The following CCDC92B variants were observed in gnomAD, a reference collection of about 807,000 sequenced individuals.
The protein encoded by CCDC92B is coiled-coil domain containing 92B, also known as coiled-coil domain-containing 92B.
In CCDC92B, 2 loss-of-function variants were observed where a neutral mutation model predicts 5.6. The ratio of observed to expected loss-of-function variants is 0.36; its 90% CI spans 0.15 to 1.12. The LOEUF (loss-of-function observed/expected upper bound fraction) is 1.12. Among genes scored for constraint, CCDC92B ranks in the 50% most tolerant of loss-of-function variants. The probability of loss-of-function intolerance (pLI) is 0.40; values close to 1 mark genes in which losing one functional copy is unlikely to be tolerated. For synonymous variants in CCDC92B, 115 were observed against 122.3 expected, an observed-to-expected ratio of 0.94 and a Z score of 0.39; for missense variants, 271 against 262.2, an observed-to-expected ratio of 1.03 and a Z score of -0.23.
At position 2,724,086 on chromosome 17, in the gene CCDC92B, G is replaced by A. The variant is rs2070692868; in HGVS notation, c.*325C>T. On this transcript the variant is annotated 3_prime_UTR_variant, in exon 4 of 4. Transcript: ENST00000614400. This position sits in a 1 kb window ranked among gnomAD's most constrained non-coding sequence, Gnocchi z 5.0. ...CACCAAGGATTGTCGGCTTTCCCGG[G>A]GAAGGGCGTGGCCCCCGCCCCTCCT... The A allele has an allele frequency of 1.0e-6, 1 of 985,468 alleles. No individual in the cohort carries two copies. 61.0% of individuals were successfully genotyped at this position (985,468 alleles called of 1,614,324 possible).
intron 1 of CCDC92B, among the ~76,000 whole-genome samples, chr17:2,743,438 T>C (rs2070947368): frequency 6.6e-6 from 1 of 152,040 alleles, no homozygotes; most frequent in African/African-American, 2.4e-5. Flanking sequence ...CTCAAAACAA[T>C]AACAAAAACA....
chr17:2,742,067 G>T (rs1408598854), intron 1 of CCDC92B, among the ~76,000 whole-genome samples: 1 of 150,458 alleles, frequency 6.6e-6, no homozygotes, highest in Non-Finnish European at 1.5e-5. Context: ...AACATGATAT[G>T]ATTTGCATTT....
Position 2,723,436 on chromosome 17 carries a change from C to A in CCDC92B, c.*975G>T, listed in dbSNP as rs967095432. 1 of 152,260 alleles carries A rather than the reference C, an allele frequency of 6.6e-6. No homozygotes were observed. Among genetic ancestry groups the A allele is most frequent in the Non-Finnish European group, 1.5e-5 (1 of 68,106 alleles). The allele number at this position is 152,260 out of a possible 1,614,324, so 9.4% of individuals were successfully genotyped here. A position where few individuals can be genotyped will look rare whatever the true frequency, so the allele number is the denominator to read the frequency against. On this transcript the variant is annotated 3_prime_UTR_variant, in exon 4 of 4. Coordinates refer to ENST00000614400, the MANE Select transcript of CCDC92B (RefSeq NM_001355573.2). ...GAACTCCTGACCTCAGGTGATCCGC[C>A]CACCTCGGCCTCCCAAAGTGCTGGG... is the stretch of plus-strand genomic sequence containing the variant.
At position 2,739,457 on chromosome 17, in the gene CCDC92B, G is replaced by C. The variant is rs377386833; in HGVS notation, c.-23-4289C>G. 8.8e-4 allele frequency among the ~76,000 whole-genome samples: 133 copies of C among 151,744 alleles called. 8 individuals are homozygous for C. In the East Asian group the frequency reaches 0.023, roughly 27 times the overall value. ...GCACTTTGGGAGGCAGAGGCAGGCA[G>C]ATCAGGAGGTCAGGAGATCAAGACC... is the stretch of plus-strand genomic sequence containing the variant. On this transcript the variant is annotated intron_variant, in intron 1 of 3. Transcript: ENST00000614400.
intron 1 of CCDC92B, among the ~76,000 whole-genome samples, chr17:2,741,983 C>T (rs2070932264): frequency 7.1e-6 from 1 of 141,068 alleles, no homozygotes; most frequent in Non-Finnish European, 1.5e-5. Flanking sequence ...AAGACTCCAT[C>T]TCAAAAAAAA....
Position 2,724,508 on chromosome 17 carries a change from G to A in CCDC92B, c.671C>T (p.Ala224Val), listed in dbSNP as rs111355210. The A allele has an allele frequency of 0.51, 497,363 of 982,694 alleles. 131,147 individuals carry two copies. Among genetic ancestry groups the A allele is most frequent in the Admixed American group, 0.54 (8,611 of 16,050 alleles). 60.9% of individuals were successfully genotyped at this position (982,694 alleles called of 1,614,324 possible). A position where few individuals can be genotyped will look rare whatever the true frequency, so the allele number is the denominator to read the frequency against. The stretch of plus-strand genomic sequence containing the variant: ...GGGAGGCGGCTGGCGCGGGCTGCGG[G>A]CGCTGGGCCGCAGCGGCCTGCGTGC... Reference protein sequence around the residue: ...LYARRPLRPSARSPRQPPPQE... With the variant: ...LYARRPLRPSVRSPRQPPPQE... Residue 224 changes from alanine to valine, a missense_variant, in exon 4 of 4, where the codon GCC (alanine) becomes GTC (valine). Ala to Val is a moderately conservative substitution (Grantham distance 64, BLOSUM62 0). Transcript: ENST00000614400. The surrounding 1 kb of genome is among the most constrained non-coding windows in gnomAD (Gnocchi z 5.0).
chr17:2,741,596 T>TC (rs954932004), intron 1 of CCDC92B, among the ~76,000 whole-genome samples: 10 of 56,032 alleles, frequency 1.8e-4, no homozygotes, highest in South Asian at 1.4e-3. Context: ...GGAGAATCTC[T>TC]TTTTTTTTTT....
Position 2,722,335 on chromosome 17 carries a change from T to C in CCDC92B, c.*2076A>G, listed in dbSNP as rs983736627. On this transcript the variant is annotated 3_prime_UTR_variant, in exon 4 of 4. Coordinates refer to ENST00000614400, the MANE Select transcript of CCDC92B (RefSeq NM_001355573.2). ...GCGCAACCACAGGACTAGTAGAGAG[T>C]AGAGGTGGGGGCAGGCAGAGCAAGG... The C allele has an allele frequency of 1.3e-5, 2 of 151,110 alleles. No homozygotes were observed. The highest frequency in any genetic ancestry group is 2.9e-5 in the Non-Finnish European group (2 of 67,910). The allele number at this position is 151,110 out of a possible 1,614,324, so 9.4% of individuals were successfully genotyped here.
chr17:2,729,494 CAAAA>C (rs34350398), intron 3 of CCDC92B, among the ~76,000 whole-genome samples: 3 of 114,284 alleles, frequency 2.6e-5, no homozygotes, highest in African/African-American at 1.0e-4. Flanking sequence ...GACTCCGTCT[CAAAA>C]AAAAAAAAAA....
chr17:2,729,218 C>T (rs543928669), intron 3 of CCDC92B, among the ~76,000 whole-genome samples: 7 of 152,210 alleles, frequency 4.6e-5, no homozygotes, highest in South Asian at 2.1e-4. Flanking sequence ...TGGCCAGACT[C>T]GGTGGCTCAC....
chr17:2,734,401 C>T (rs774029881), intron 2 of CCDC92B, among the ~76,000 whole-genome samples: 20 of 152,090 alleles, frequency 1.3e-4, no homozygotes, highest in Admixed American at 3.9e-4. Flanking sequence ...CTAGCTAGAC[C>T]GAGGGCTGGG....
intron 2 of CCDC92B, among the ~76,000 whole-genome samples, chr17:2,731,030 C>T (rs997350666): frequency 6.6e-6 from 1 of 152,234 alleles, no homozygotes; most frequent in Non-Finnish European, 1.5e-5. Context: ...TACCGCTGAG[C>T]CTGTGTTATT....
chr17:2,744,774 G>A (rs912544147), intron 1 of CCDC92B, among the ~76,000 whole-genome samples: 3 of 152,084 alleles, frequency 2.0e-5, no homozygotes, highest in Admixed American at 6.6e-5. Flanking sequence ...TCAATATACT[G>A]GTGCAACCAG....
intron 3 of CCDC92B, among the ~76,000 whole-genome samples, chr17:2,726,611 C>T (rs1007634154): frequency 1.1e-4 from 17 of 151,754 alleles, no homozygotes; most frequent in African/African-American, 4.1e-4. Context: ...GCCACTGCAC[C>T]TGGCCTCTTT....
At chr17:2,748,215 C>T (rs766998041) in intron 1 of CCDC92B, 12 of 612,044 alleles carry the variant, frequency 2.0e-5, no homozygotes, top group Middle Eastern at 3.0e-4. Flanking sequence ...GCCCAGTAGC[C>T]AGGCCATCCC....
At position 2,735,250 on chromosome 17, in the gene CCDC92B, G is replaced by A. The variant is rs911690248; in HGVS notation, c.-23-82C>T. On this transcript the variant is annotated intron_variant, in intron 1 of 3. Transcript: ENST00000614400. Reference sequence around the variant, plus strand: ...CCTCAGCTCTTTCACTGTCTCCTCCGCTCTAGGTCCTGTTGCCACCAGGAA... The same window carrying A: ...CCTCAGCTCTTTCACTGTCTCCTCCACTCTAGGTCCTGTTGCCACCAGGAA... The A allele has an allele frequency of 1.8e-5, 17 of 920,696 alleles. No homozygotes were observed. The East Asian group carries it at 5.9e-4, about 32-fold the overall frequency. The allele number at this position is 920,696 out of a possible 1,614,324, so 57.0% of individuals were successfully genotyped here.
intron 1 of CCDC92B, among the ~76,000 whole-genome samples, chr17:2,747,329 T>G (rs150483436): frequency 1.3e-5 from 2 of 152,330 alleles, no homozygotes; most frequent in African/African-American, 4.8e-5. Context: ...GTTCTTTAAG[T>G]ATGTATGTTT....
At chr17:2,726,126 G>A (rs2070726360) in intron 3 of CCDC92B, among the ~76,000 whole-genome samples, 1 of 149,684 alleles carries the variant, frequency 6.7e-6, no homozygotes, top group African/African-American at 2.5e-5. Flanking sequence ...CTCCCAAGTA[G>A]CTGGGATTAC....
intron 1 of CCDC92B, among the ~76,000 whole-genome samples, chr17:2,741,977 C>G (rs2070932169): frequency 6.9e-6 from 1 of 145,074 alleles, no homozygotes; most frequent in African/African-American, 2.6e-5. Flanking sequence ...CAGAGCAAGA[C>G]TCCATCTCAA....
Sources: allele counts gnomAD v4.1 joint callset (sites outside exome capture counted in the v4.1 genomes callset), GRCh38; gene constraint gnomAD v4.1.1; non-coding constraint Gnocchi (gnomAD v3.1); transcripts MANE v1.5; gene names NCBI Gene and HGNC (gene_info 2026-07-23, HGNC 2026-07-21).